Variants in COL13A1 observed in about 807,000 individuals in gnomAD.
COL13A1 encodes the protein collagen alpha-1(XIII) chain.
A neutral mutation model predicts 130.9 loss-of-function variants in COL13A1; 89 were observed. The observed-to-expected ratio is 0.68, with a 90% CI of 0.57 to 0.81. The LOEUF (loss-of-function observed/expected upper bound fraction) is 0.81. Ranked by LOEUF, COL13A1 falls within the 30% of genes least tolerant of loss-of-function variation. The probability of loss-of-function intolerance (pLI) is 0.00; values close to 1 mark genes in which losing one functional copy is unlikely to be tolerated. For synonymous variants in COL13A1, 402 were observed against 341.6 expected, an observed-to-expected ratio of 1.18 and a Z score of -1.95; for missense variants, 879 against 934.6, an observed-to-expected ratio of 0.94 and a Z score of 0.78.
chr10:69,939,339 G>A (rs1170914172), intron 34 of COL13A1, among the ~76,000 whole-genome samples: 21 of 152,166 alleles, frequency 1.4e-4, no homozygotes. Flanking sequence ...AACATCTGGT[G>A]TTTTATGTGA....
intron 10 of COL13A1, among the ~76,000 whole-genome samples, chr10:69,893,592 C>G (rs548415991): frequency 6.6e-6 from 1 of 152,248 alleles, no homozygotes; most frequent in African/African-American, 2.4e-5. Context: ...CCCAAAGAGA[C>G]TGGTGGCTCA....
At chr10:69,951,945 A>C (rs901055414) in intron 38 of COL13A1, among the ~76,000 whole-genome samples, 9 of 152,244 alleles carry the variant, frequency 5.9e-5, no homozygotes, top group Admixed American at 6.5e-5. Context: ...ACATATAAAA[A>C]TGCAAATGCA....
intron 38 of COL13A1, among the ~76,000 whole-genome samples, chr10:69,948,884 G>A (rs766503268): frequency 5.3e-5 from 8 of 152,132 alleles, no homozygotes; most frequent in Non-Finnish European, 8.8e-5. Context: ...AGTCATCCAC[G>A]GAGGCCCCAG....
intron 34 of COL13A1, 47 bp from the exon 35 acceptor site, chr10:69,940,941 C>T: frequency 6.2e-7 from 1 of 1,613,536 alleles, no homozygotes; most frequent in Non-Finnish European, 8.5e-7. Flanking sequence ...TTCTCCCTCC[C>T]AATCCTCTCT....
rs1042575317 is a variant in COL13A1 at position 69,802,458 on chromosome 10, C to G, written c.35C>G (p.Thr12Ser). Residue 12 changes from threonine to serine, a missense_variant, in exon 1 of 41, where the codon ACC (threonine) becomes AGC (serine). By Grantham distance (58) the Thr-to-Ser change is moderately conservative. This residue lies in a region of COL13A1 where 715 missense variants were observed against 721.0 expected (regional missense o/e 0.99). Transcript: ENST00000645393. ...VAERTHKAAA[T>S]GARGPGELGA... ...GAGCGCACCCACAAAGCGGCAGCCACCGGTGCCCGCGGCCCTGGGGAGTTG... is the reference window on the plus strand; with the variant it reads ...GAGCGCACCCACAAAGCGGCAGCCAGCGGTGCCCGCGGCCCTGGGGAGTTG... The G allele has an allele frequency of 1.4e-5, 21 of 1,505,358 alleles. No individual in the cohort carries two copies. Among genetic ancestry groups the G allele is most frequent in the Non-Finnish European group, 1.6e-5 (18 of 1,132,628 alleles). The allele number at this position is 1,505,358 out of a possible 1,614,324, so 93.3% of individuals were successfully genotyped here.
chr10:69,841,039 C>T (rs1360951579), intron 2 of COL13A1, among the ~76,000 whole-genome samples: 6 of 152,012 alleles, frequency 3.9e-5, no homozygotes, highest in Non-Finnish European at 8.8e-5. Context: ...GTCCAGCACA[C>T]CCCATCGGGC....
intron 2 of COL13A1, among the ~76,000 whole-genome samples, chr10:69,850,512 CTT>C (rs1854465562): frequency 6.6e-6 from 1 of 150,752 alleles, no homozygotes; most frequent in Non-Finnish European, 1.5e-5. Context: ...ATGCAGGGGC[CTT>C]CCAGCGGCCT....
chr10:69,808,113 C>T (rs958276336), intron 1 of COL13A1, among the ~76,000 whole-genome samples: 1 of 152,152 alleles, frequency 6.6e-6, no homozygotes, highest in African/African-American at 2.4e-5. Flanking sequence ...GCCGCTTCTC[C>T]AAAGGTCTTC....
At chr10:69,949,940 G>GTGTGTGTGTGTT (rs1565160919) in intron 38 of COL13A1, among the ~76,000 whole-genome samples, 27 of 144,072 alleles carry the variant, frequency 1.9e-4, no homozygotes, top group East Asian at 1.3e-3. Context: ...TTGTGTGTGT[G>GTGTGTGTGTGTT]TGTGTGTGCG....
intron 37 of COL13A1, 84 bp downstream of exon 37, chr10:69,945,808 C>A (rs927880451): frequency 1.3e-6 from 2 of 1,525,474 alleles, no homozygotes; most frequent in Non-Finnish European, 1.8e-6. Context: ...CATGGTGGCT[C>A]ACACCTGTAA....
chr10:69,937,441 C>T (rs1449636419), intron 33 of COL13A1, among the ~76,000 whole-genome samples, 194 bp from the exon 34 acceptor site: 1 of 152,126 alleles, frequency 6.6e-6, no homozygotes, highest in Non-Finnish European at 1.5e-5. Context: ...TCTCAAAGCT[C>T]CCACAGGATA....
chr10:69,896,477 C>T (rs920118722), intron 13 of COL13A1, among the ~76,000 whole-genome samples: 1 of 152,134 alleles, frequency 6.6e-6, no homozygotes, highest in Non-Finnish European at 1.5e-5. Flanking sequence ...TTAGGCATCT[C>T]TCCCCGCTGT....
chr10:69,859,681 G>T (rs925986237), intron 2 of COL13A1, among the ~76,000 whole-genome samples: 13 of 152,130 alleles, frequency 8.5e-5, no homozygotes, highest in Admixed American at 5.2e-4. Context: ...GCTGGGGCTG[G>T]AGGTCAAGGG....
rs2058676886 is a variant in COL13A1 at position 69,867,849 on chromosome 10, G to A, written c.372+44G>A. 7.0e-6 allele frequency: 5 copies of A among 718,080 alleles called. No homozygotes were observed. The South Asian group carries it at 7.4e-5, about 11-fold the overall frequency. The allele number at this position is 718,080 out of a possible 1,614,324, so 44.5% of individuals were successfully genotyped here. On this transcript the variant is annotated intron_variant, in intron 3 of 40. Transcript: ENST00000645393. ...GGTCTCGTGCATCTGAAAGGCCTGT[G>A]TCACCTGCTGGTAACGGGGTTCTGG...
intron 5 of COL13A1, among the ~76,000 whole-genome samples, chr10:69,877,120 C>A (rs190981076): frequency 9.8e-5 from 15 of 152,340 alleles, no homozygotes; most frequent in Admixed American, 2.6e-4. Context: ...ACAATGGGCC[C>A]ATTTGGCTGC....
chr10:69,802,681 G>A lies in COL13A1; in HGVS notation c.258G>A (p.Thr86=), dbSNP rs10998973. Residue 86 remains threonine (T), a synonymous_variant, in exon 1 of 41, where the codon ACG becomes ACA. Coordinates refer to ENST00000645393, the MANE Select transcript of COL13A1 (RefSeq NM_001368882.1). ...AGCGCGGGGAGCAGCAAATGGAGAC[G>A]GCTATTTTGGGACGAGTCAATCAAC... ...EAERGEQQME[T]AILGRVNQLL... is the part of the protein sequence containing the mutation. 0.54 allele frequency: 878,679 copies of A among 1,612,892 alleles called. 242,941 individuals carry two copies. The highest frequency in any genetic ancestry group is 0.72 in the East Asian group (32,212 of 44,812).
intron 2 of COL13A1, among the ~76,000 whole-genome samples, chr10:69,860,912 T>C (rs542122319): frequency 3.0e-4 from 46 of 152,296 alleles, no homozygotes; most frequent in African/African-American, 1.1e-3. Flanking sequence ...CTAGCTAGGC[T>C]GGCGAACGGC....
intron 40 of COL13A1, among the ~76,000 whole-genome samples, chr10:69,958,428 A>T (rs1403785459): frequency 6.6e-6 from 1 of 152,216 alleles, no homozygotes; most frequent in East Asian, 1.9e-4. Flanking sequence ...TGCAGTGGTT[A>T]CAACAATCAG....
intron 2 of COL13A1, among the ~76,000 whole-genome samples, chr10:69,860,921 G>A (rs1857875242): frequency 6.6e-6 from 1 of 152,220 alleles, no homozygotes; most frequent in Non-Finnish European, 1.5e-5. Flanking sequence ...CTGGCGAACG[G>A]CTTCCCTGGA....
Sources: allele counts gnomAD v4.1 joint callset (sites outside exome capture counted in the v4.1 genomes callset), GRCh38; gene constraint gnomAD v4.1.1; regional missense constraint gnomAD v4.1.1; transcripts MANE v1.5; gene names NCBI Gene and HGNC (gene_info 2026-07-23, HGNC 2026-07-21).